Variants in DEUP1 observed in about 807,000 individuals in gnomAD.
DEUP1 encodes the protein coiled-coil domain containing 67.
In DEUP1, 82 loss-of-function variants were observed where a neutral mutation model predicts 87.4. The ratio of observed to expected loss-of-function variants is 0.94; its 90% CI spans 0.78 to 1.13. The LOEUF (loss-of-function observed/expected upper bound fraction) is 1.13, where lower values mean the gene tolerates loss of function less well. Among genes scored for constraint, DEUP1 ranks in the 50% most tolerant of loss-of-function variants. The probability of loss-of-function intolerance (pLI) is 0.00; values close to 1 mark genes in which losing one functional copy is unlikely to be tolerated. For missense variants in DEUP1, 663 were observed against 681.5 expected (o/e 0.97, Z 0.30); for synonymous variants, 214 against 222.7 (o/e 0.96, Z 0.35).
At position 93,371,068 on chromosome 11, in the gene DEUP1, A is replaced by G; in HGVS notation, c.577A>G (p.Asn193Asp). 6.2e-7 allele frequency: 1 copy of G among 1,611,884 alleles called. No individual in the cohort carries two copies. The highest frequency in any genetic ancestry group is 8.5e-7 in the Non-Finnish European group (1 of 1,178,748). The change falls in exon 7 of 14, where the codon AAT becomes GAT. Residue 193 changes from asparagine to aspartate, a missense_variant. Physicochemically the swap from Asn to Asp is conservative, Grantham distance 23 (BLOSUM62 1). Coordinates refer to ENST00000298050, the MANE Select transcript of DEUP1 (RefSeq NM_181645.4). ...GGCACAAAGTTACCAAACTCAACTA[A>G]ATGGTAAAAAACAGTGCTTAGAAGA... ...KQAQSYQTQL[N>D]GKKQCLEDSS...
At chr11:93,344,085 T>G (rs1006580633) in intron 2 of DEUP1, among the ~76,000 whole-genome samples, 47 of 152,312 alleles carry the variant, frequency 3.1e-4, no homozygotes, top group African/African-American at 1.1e-3. Context: ...AACAAGAGTT[T>G]TCATGAAACT....
At chr11:93,380,680 G>A (rs1946265001) in intron 7 of DEUP1, among the ~76,000 whole-genome samples, 1 of 152,238 alleles carries the variant, frequency 6.6e-6, no homozygotes, top group Non-Finnish European at 1.5e-5. Context: ...TGGGATTACA[G>A]GAGTGAGCCA....
Position 93,355,393 on chromosome 11 carries a change from C to A in DEUP1, c.52C>A (p.Leu18Ile). The stretch of plus-strand genomic sequence containing the variant: ...CAGAACTTCTCCTTGTGAGGCTGAG[C>A]TTCAGGAATTAATGGAACAAATTGA... The part of the protein sequence containing the change: ...TMGTSPCEAE[L>I]QELMEQIDIM... Residue 18 changes from leucine (L) to isoleucine (I), a missense_variant, in exon 3 of 14, where the codon CTT (leucine) becomes ATT (isoleucine). Physicochemically the swap from Leu to Ile is conservative, Grantham distance 5 (BLOSUM62 2). Transcript: ENST00000298050. 6.2e-7 allele frequency: 1 copy of A among 1,613,388 alleles called. No homozygotes were observed. Among genetic ancestry groups the A allele is most frequent in the East Asian group, 2.2e-5 (1 of 44,798 alleles).
rs200876186 is a variant in DEUP1 at position 93,396,316 on chromosome 11, A to G, written c.1317A>G (p.Gly439=). The change falls in exon 11 of 14, where the codon GGA becomes GGG. Residue 439 remains glycine (G), a synonymous_variant. Transcript: ENST00000298050. ...GAATGATGGGAGATTTAGACCCCGGAGAATACATGGTAATATGCTGACATC... is the reference window on the plus strand; with the variant it reads ...GAATGATGGGAGATTTAGACCCCGGGGAATACATGGTAATATGCTGACATC... ...LKGMMGDLDP[G]EYMSMDFTNR... 2.5e-3 allele frequency: 3,816 copies of G among 1,554,616 alleles called. 5 individuals are homozygous for G. Among genetic ancestry groups the G allele is most frequent in the Non-Finnish European group, 3.2e-3 (3,627 of 1,140,890 alleles).
intron 7 of DEUP1, among the ~76,000 whole-genome samples, chr11:93,384,924 G>GA (rs1357202793): frequency 6.6e-6 from 1 of 152,106 alleles, no homozygotes; most frequent in Non-Finnish European, 1.5e-5. Flanking sequence ...ATATTTGTTA[G>GA]AAAAAATGAA....
intron 9 of DEUP1, among the ~76,000 whole-genome samples, chr11:93,391,235 G>A (rs1234678038): frequency 1.3e-5 from 2 of 151,834 alleles, no homozygotes; most frequent in African/African-American, 4.8e-5. Context: ...TTTATTTTGT[G>A]ATAACATTCA....
In DEUP1 at chr11:93,353,639, C is replaced by T. The variant is rs145874255; in HGVS notation, c.30-1732C>T. ...TTCCGTATATCTTCTGAAATCTAGG[C>T]AGAGGTTCCCAAACCCCAATTCTTG... On this transcript the variant is annotated intron_variant, in intron 2 of 13. Transcript: ENST00000298050. Among the ~76,000 whole-genome samples, 1,140 of 152,348 alleles carry T rather than the reference C, an allele frequency of 7.5e-3. 13 individuals are homozygous for T. Among genetic ancestry groups the T allele is most frequent in the African/African-American group, 0.026 (1,099 of 41,580 alleles).
intron 11 of DEUP1, among the ~76,000 whole-genome samples, chr11:93,407,208 G>GA (rs34778756): frequency 0.25 from 37,376 of 148,922 alleles, 5,004 homozygotes; most frequent in Middle Eastern, 0.39. Flanking sequence ...TAATTATTTT[G>GA]AAAAAAAAAC....
At position 93,375,039 on chromosome 11, in the gene DEUP1, T is replaced by C. The variant is rs1565317537; in HGVS notation, c.789+3759T>C. On this transcript the variant is annotated intron_variant, in intron 7 of 13. Coordinates refer to ENST00000298050, the MANE Select transcript of DEUP1 (RefSeq NM_181645.4). Reference sequence around the variant, plus strand: ...TAAGTATTTCTTTTTCTTTTCTTTTTTTTTTTTTTGCACTATTGTAAAAGA... The same window carrying C: ...TAAGTATTTCTTTTTCTTTTCTTTTCTTTTTTTTTGCACTATTGTAAAAGA... 2.0e-5 allele frequency among the ~76,000 whole-genome samples: 3 copies of C among 151,096 alleles called. 1 individual carries two copies. Among genetic ancestry groups the C allele is most frequent in the Non-Finnish European group, 3.0e-5 (2 of 67,676 alleles).
intron 9 of DEUP1, among the ~76,000 whole-genome samples, chr11:93,392,678 A>AGAGAG (rs146521939): frequency 6.6e-6 from 1 of 151,674 alleles, no homozygotes; most frequent in African/African-American, 2.4e-5. Flanking sequence ...ATTTAAAAAA[A>AGAGAG]AGAGAGAGCC....
At chr11:93,412,804 A>G (rs901887400) in intron 12 of DEUP1, among the ~76,000 whole-genome samples, 4 of 152,186 alleles carry the variant, frequency 2.6e-5, no homozygotes, top group African/African-American at 9.7e-5. Context: ...TTATAATTCT[A>G]CTTGAATTGT....
At chr11:93,418,119 G>A (rs907915158) in intron 13 of DEUP1, among the ~76,000 whole-genome samples, 21 of 152,188 alleles carry the variant, frequency 1.4e-4, no homozygotes, top group African/African-American at 3.1e-4. Flanking sequence ...ACATAGGCAC[G>A]GGCAAGGACT....
chr11:93,386,257 G>T (rs1363382732), intron 8 of DEUP1, among the ~76,000 whole-genome samples: 1 of 151,900 alleles, frequency 6.6e-6, no homozygotes, highest in African/African-American at 2.4e-5. Flanking sequence ...TCTTAAAACA[G>T]ATTTTTTTTT....
chr11:93,436,607 A>C (rs1214292386), intron 13 of DEUP1, among the ~76,000 whole-genome samples: 1 of 152,184 alleles, frequency 6.6e-6, no homozygotes, highest in Non-Finnish European at 1.5e-5. Context: ...GCAGTACTCC[A>C]TCATTTGCAT....
rs1014270176 is a variant in DEUP1, at chr11:93,438,366, T to C, written c.*647T>C. On this transcript the variant is annotated 3_prime_UTR_variant, in exon 14 of 14. Transcript: ENST00000298050. ...ACGCTTTTTTGTTAGTACTAATTAC[T>C]TCATGGACACAAACAAGATAAAGGA... is the stretch of plus-strand genomic sequence containing the variant. 6.6e-5 allele frequency: 10 copies of C among 152,192 alleles called. No individual in the cohort carries two copies. Among genetic ancestry groups the C allele is most frequent in the Non-Finnish European group, 1.5e-4 (10 of 68,028 alleles). 9.4% of individuals were successfully genotyped at this position (152,192 alleles called of 1,614,324 possible).
At chr11:93,356,624 T>C (rs1944911398) in intron 3 of DEUP1, among the ~76,000 whole-genome samples, 1 of 152,128 alleles carries the variant, frequency 6.6e-6, no homozygotes, top group Admixed American at 6.5e-5. Flanking sequence ...ATTATATTGG[T>C]AGAGGTTTTG....
At position 93,396,279 on chromosome 11, in the gene DEUP1, C is replaced by T; in HGVS notation, c.1280C>T (p.Thr427Ile). 1 of 1,587,148 alleles carries T rather than the reference C, an allele frequency of 6.3e-7. No individual in the cohort carries two copies. Among genetic ancestry groups the T allele is most frequent in the Non-Finnish European group, 8.6e-7 (1 of 1,166,210 alleles). Residue 427 changes from threonine to isoleucine, a missense_variant, in exon 11 of 14, where the codon ACA becomes ATA. Physicochemically the swap from Thr to Ile is moderately conservative, Grantham distance 89. Coordinates refer to ENST00000298050, the MANE Select transcript of DEUP1 (RefSeq NM_181645.4). The stretch of plus-strand genomic sequence containing the variant: ...TATAAAGCTGTCAGAACTGAAAACA[C>T]ACATCTAAAAGGAATGATGGGAGAT... The part of the protein sequence containing the change: ...MKYKAVRTEN[T>I]HLKGMMGDLD...
chr11:93,344,981 T>A (rs116437107), intron 2 of DEUP1, among the ~76,000 whole-genome samples: 1,843 of 152,210 alleles, frequency 0.012, 36 homozygotes, highest in African/African-American at 0.043. Flanking sequence ...GACCCATTAG[T>A]TATTTTTCCT....
rs538655239 is a variant in DEUP1, at chr11:93,394,972, AT to A, written c.1239+319del. On this transcript the variant is annotated intron_variant, in intron 10 of 13. Transcript: ENST00000298050. ...TTTCTTCCTGAGTATGTTTTTCTGTATTTCTCTTCCATTAACATTTTTATCT... is the reference window on the plus strand; with the variant it reads ...TTTCTTCCTGAGTATGTTTTTCTGTATTCTCTTCCATTAACATTTTTATCT... 4.2e-3 allele frequency among the ~76,000 whole-genome samples: 638 copies of A among 152,084 alleles called. 4 individuals carry two copies. Among genetic ancestry groups the A allele is most frequent in the Admixed American group, 7.7e-3 (118 of 15,284 alleles).
Sources: gnomAD v4.1 joint callset for allele counts (sites outside exome capture counted in the v4.1 genomes callset) on GRCh38, gnomAD v4.1.1 for gene constraint, MANE v1.5 for transcripts, NCBI Gene and HGNC (gene_info 2026-07-23, HGNC 2026-07-21) for gene names.